The following MITF variants were observed in gnomAD, a reference collection of about 807,000 sequenced individuals.
MITF encodes the protein melanocyte inducing transcription factor.
In MITF, 17 loss-of-function variants were observed where a neutral mutation model predicts 60.5. That is an observed-to-expected ratio of 0.28 (90% CI 0.19 to 0.42). The LOEUF is 0.42. MITF is among the 10% of genes least tolerant of loss of function. MITF has a pLI of 1.00. For synonymous variants in MITF, 260 were observed against 248.5 expected, an observed-to-expected ratio of 1.05 and a Z score of -0.43; for missense variants, 622 against 683.5, an observed-to-expected ratio of 0.91 and a Z score of 1.00.
At chr3:69,809,743 T>C (rs1165549448) in intron 1 of MITF, among the ~76,000 whole-genome samples, 1 of 152,152 alleles carries the variant, frequency 6.6e-6, no homozygotes. Flanking sequence ...TTTGCTTCTT[T>C]TGTGGGCTTT....
intron 5 of MITF, among the ~76,000 whole-genome samples, chr3:69,944,310 G>A (rs967115095): frequency 1.3e-5 from 2 of 152,046 alleles, no homozygotes; most frequent in Non-Finnish European, 2.9e-5. Context: ...GTTCTCACGG[G>A]GGTTACCAGT....
At chr3:69,857,041 G>A (rs2063930280) in intron 1 of MITF, among the ~76,000 whole-genome samples, 1 of 151,942 alleles carries the variant, frequency 6.6e-6, no homozygotes, top group Admixed American at 6.6e-5. Flanking sequence ...ACCTATTGGT[G>A]AATAGTTATT....
chr3:69,792,950 G>C (rs1228106916), intron 1 of MITF, among the ~76,000 whole-genome samples: 1 of 113,332 alleles, frequency 8.8e-6, no homozygotes, highest in Non-Finnish European at 1.8e-5. Flanking sequence ...TGTTTCATTT[G>C]CTTTATTACT....
intron 1 of MITF, among the ~76,000 whole-genome samples, chr3:69,740,683 A>G (rs995130351): frequency 6.6e-6 from 1 of 152,164 alleles, no homozygotes; most frequent in Non-Finnish European, 1.5e-5. Context: ...TGGTCAATGG[A>G]GGCTGGAATA....
chr3:69,855,133 A>C (rs2063893743), intron 1 of MITF, among the ~76,000 whole-genome samples: 1 of 151,624 alleles, frequency 6.6e-6, no homozygotes, highest in African/African-American at 2.4e-5. Flanking sequence ...CTCATGGTCT[A>C]CATTCTGCCT....
At chr3:69,817,393 C>T (rs11709948) in intron 1 of MITF, among the ~76,000 whole-genome samples, 14,234 of 151,988 alleles carry the variant, frequency 0.094, 900 homozygotes, top group Non-Finnish European at 0.13. Flanking sequence ...TACTAGTGTA[C>T]GTATTTGAGA....
At chr3:69,898,252 G>A (rs747955415) in intron 2 of MITF, among the ~76,000 whole-genome samples, 6 of 152,236 alleles carry the variant, frequency 3.9e-5, no homozygotes, top group Non-Finnish European at 8.8e-5. Context: ...AGGGATGTGG[G>A]ATGAGTATTT....
intron 1 of MITF, among the ~76,000 whole-genome samples, chr3:69,793,895 TCAGA>T (rs1291168759): frequency 6.6e-6 from 1 of 152,166 alleles, no homozygotes; most frequent in East Asian, 1.9e-4. Flanking sequence ...GCTATCTCAA[TCAGA>T]CAGTTTGAAT....
At chr3:69,925,099 T>C (rs1016273608) in intron 2 of MITF, among the ~76,000 whole-genome samples, 2 of 152,102 alleles carry the variant, frequency 1.3e-5, no homozygotes, top group Non-Finnish European at 2.9e-5. Flanking sequence ...AGGTGAACAA[T>C]CATAGAGAAC....
At chr3:69,741,442 A>C (rs1312121381) in intron 1 of MITF, among the ~76,000 whole-genome samples, 2 of 152,274 alleles carry the variant, frequency 1.3e-5, no homozygotes, top group East Asian at 3.9e-4. Flanking sequence ...AGTTTGAGAG[A>C]GCGAGGAAAA....
At chr3:69,889,654 C>A (rs1046367058) in intron 2 of MITF, among the ~76,000 whole-genome samples, 9 of 151,900 alleles carry the variant, frequency 5.9e-5, no homozygotes, top group African/African-American at 2.2e-4. Flanking sequence ...ATATTTTATA[C>A]CTCCAGCACA....
At chr3:69,767,140 T>C (rs1444321378) in intron 1 of MITF, among the ~76,000 whole-genome samples, 1 of 152,168 alleles carries the variant, frequency 6.6e-6, no homozygotes, top group East Asian at 1.9e-4. Context: ...TTTTTCACTT[T>C]TACTCTCCAA....
intron 2 of MITF, among the ~76,000 whole-genome samples, chr3:69,883,546 A>T (rs951912114): frequency 1.3e-5 from 2 of 152,348 alleles, no homozygotes; most frequent in South Asian, 2.1e-4. Context: ...GGTATAACAC[A>T]GAACATGAAA....
rs2066705307 is a variant in MITF, at chr3:69,967,022, T to G, written c.*1774T>G. ...TATATTTTAGTGACAGAGTGCCAAC[T>G]TCTTTCATCAGGAAACCTTATTCAG... On this transcript the variant is annotated 3_prime_UTR_variant, in exon 10 of 10. Coordinates refer to ENST00000352241, the MANE Select transcript of MITF (RefSeq NM_001354604.2). 8.6e-6 allele frequency: 2 copies of G among 232,342 alleles called. No homozygotes were observed. Among genetic ancestry groups the G allele is most frequent in the Non-Finnish European group, 1.7e-5 (2 of 117,200 alleles). The allele number at this position is 232,342 out of a possible 1,614,324, so 14.4% of individuals were successfully genotyped here. A position where few individuals can be genotyped will look rare whatever the true frequency, so the allele number is the denominator to read the frequency against.
In MITF at chr3:69,967,626, C is replaced by T; in HGVS notation, c.*2378C>T. ...AACTCCTAACCTTGCCATTGCCTGC[C>T]TCCCCCTCCCCTTCTCCTTAAGAGA... On this transcript the variant is annotated 3_prime_UTR_variant, in exon 10 of 10. Transcript: ENST00000352241. 1 of 233,382 alleles carries T rather than the reference C, an allele frequency of 4.3e-6. No individual in the cohort carries two copies. The highest frequency in any genetic ancestry group is 8.5e-6 in the Non-Finnish European group (1 of 118,000). The allele number at this position is 233,382 out of a possible 1,614,324, so 14.5% of individuals were successfully genotyped here. A position where few individuals can be genotyped will look rare whatever the true frequency, so the allele number is the denominator to read the frequency against.
chr3:69,895,554 A>G (rs1233772921), intron 2 of MITF, among the ~76,000 whole-genome samples: 1 of 152,144 alleles, frequency 6.6e-6, no homozygotes, highest in African/African-American at 2.4e-5. Flanking sequence ...AGTATGCTAA[A>G]TCCCTAATAT....
chr3:69,910,540 C>A (rs1323900654), intron 2 of MITF, among the ~76,000 whole-genome samples: 1 of 152,176 alleles, frequency 6.6e-6, no homozygotes, highest in Non-Finnish European at 1.5e-5. Flanking sequence ...TGAAAACAGT[C>A]AGGAGGGAGG....
At chr3:69,918,698 G>C (rs939224668) in intron 2 of MITF, among the ~76,000 whole-genome samples, 1 of 152,178 alleles carries the variant, frequency 6.6e-6, no homozygotes, top group South Asian at 2.1e-4. Flanking sequence ...ACTAGTGGTA[G>C]CACTTACATT....
intron 2 of MITF, among the ~76,000 whole-genome samples, chr3:69,920,664 A>G (rs1338222121): frequency 6.6e-6 from 1 of 152,088 alleles, no homozygotes; most frequent in East Asian, 1.9e-4. Flanking sequence ...CTATCATTGG[A>G]GATGACTCAC....
Sources: gnomAD v4.1 joint callset for allele counts (sites outside exome capture counted in the v4.1 genomes callset) on GRCh38, gnomAD v4.1.1 for gene constraint, MANE v1.5 for transcripts, NCBI Gene and HGNC (gene_info 2026-07-23, HGNC 2026-07-21) for gene names.